The following FAM13B variants were observed in gnomAD, a reference collection of about 807,000 sequenced individuals.
FAM13B encodes the protein protein FAM13B.
Under a neutral mutation model 117.3 loss-of-function variants are expected in FAM13B, and 60 were observed. That is an observed-to-expected ratio of 0.51 (90% CI 0.42 to 0.63). FAM13B has a LOEUF of 0.63. Among genes scored for constraint, FAM13B ranks in the 30% least tolerant of loss-of-function variants. The pLI, the probability that FAM13B is intolerant of heterozygous loss-of-function variation, is 0.00. For synonymous variants in FAM13B, 332 were observed against 356.1 expected (o/e 0.93, Z 0.76); for missense variants, 972 against 1,091.9 (o/e 0.89, Z 1.55).
Position 137,974,999 on chromosome 5 carries a change from AC to A in FAM13B, c.1179+10257del, listed in dbSNP as rs543719562. 8.4e-4 allele frequency among the ~76,000 whole-genome samples: 128 copies of A among 152,352 alleles called. No homozygotes were observed. In the Middle Eastern group the frequency reaches 0.027, roughly 32 times the overall value. On this transcript the variant is annotated intron_variant, in intron 10 of 23. Transcript: ENST00000689681. ...TGGAACACAGCCATGCTCATTTCTTACGGTTTTTTCTGGCTGCGTCCATGCT... is the reference window on the plus strand; with the variant it reads ...TGGAACACAGCCATGCTCATTTCTTAGGTTTTTTCTGGCTGCGTCCATGCT...
At chr5:137,987,376 G>A in intron 9 of FAM13B, 85 bp downstream of exon 9, 1 of 1,218,756 alleles carries the variant, frequency 8.2e-7, no homozygotes, top group Non-Finnish European at 1.1e-6. Context: ...CAAGAAAGAT[G>A]AGATCCTGTT....
intron 1 of FAM13B, among the ~76,000 whole-genome samples, chr5:138,040,854 A>C (rs1791478279): frequency 6.6e-6 from 1 of 152,130 alleles, no homozygotes; most frequent in African/African-American, 2.4e-5. Flanking sequence ...GCCTGAGGTC[A>C]GGAGTTCGAG....
chr5:137,978,339 G>A (rs1445058460), intron 10 of FAM13B, among the ~76,000 whole-genome samples: 1 of 151,902 alleles, frequency 6.6e-6, no homozygotes, highest in Non-Finnish European at 1.5e-5. Flanking sequence ...TGGATCAAAG[G>A]TTTAAGGTCT....
chr5:137,960,942 T>C (rs1213350785), intron 11 of FAM13B, among the ~76,000 whole-genome samples: 2 of 152,172 alleles, frequency 1.3e-5, no homozygotes, highest in South Asian at 2.1e-4. Flanking sequence ...AAAGACACAG[T>C]GGCAATTTAC....
upstream of FAM13B, among the ~76,000 whole-genome samples, chr5:138,037,830 A>G (rs750422181): frequency 6.6e-6 from 1 of 152,208 alleles, no homozygotes; most frequent in Non-Finnish European, 1.5e-5. Context: ...GATATATTCT[A>G]TCCCCACCAA....
At chr5:137,967,243 T>C (rs1180983529) in intron 10 of FAM13B, among the ~76,000 whole-genome samples, 1 of 152,114 alleles carries the variant, frequency 6.6e-6, no homozygotes, top group Non-Finnish European at 1.5e-5. Flanking sequence ...ATAAAAAATA[T>C]GGCCAGGCAC....
At position 137,948,982 on chromosome 5, in the gene FAM13B, A is replaced by C. The variant is rs1424514886; in HGVS notation, c.2133T>G (p.Ile711Met). ...TGATATCTTCTGGAAGACACCTCTC[A>C]ATACGTTTTTCTTTCAGTCTTTTAA... ...LILKRLKEKRIERCLPEDIKK... is the reference protein window; with the variant it reads ...LILKRLKEKRMERCLPEDIKK... The change falls in exon 18 of 24, where the codon ATT (isoleucine) becomes ATG (methionine). Residue 711 changes from isoleucine (I) to methionine (M), a missense_variant. Ile to Met is a conservative substitution (Grantham distance 10, BLOSUM62 1). Coordinates refer to ENST00000689681, the MANE Select transcript of FAM13B (RefSeq NM_001385994.1). The C allele has an allele frequency of 6.2e-7, 1 of 1,613,756 alleles. No individual in the cohort carries two copies. The highest frequency in any genetic ancestry group is 1.7e-5 in the Admixed American group (1 of 60,022).
chr5:138,004,400 C>A (rs939249985), intron 7 of FAM13B, among the ~76,000 whole-genome samples: 1 of 152,096 alleles, frequency 6.6e-6, no homozygotes, highest in Non-Finnish European at 1.5e-5. Context: ...CATACTTAGC[C>A]TTGCTGGTAA....
At position 138,019,162 on chromosome 5, in the gene FAM13B, C is replaced by A. The variant is rs1445256982; in HGVS notation, c.-35-16G>T. ...GCTGTCTTTTCTGCCAAATGAAAGA[C>A]AAAAAAAAAAGACTATAATGATTAA... On this transcript the variant is annotated splice_polypyrimidine_tract_variant and intron_variant, in intron 2 of 23. Coordinates refer to ENST00000689681, the MANE Select transcript of FAM13B (RefSeq NM_001385994.1). 542 of 1,502,340 alleles carry A rather than the reference C, an allele frequency of 3.6e-4. No homozygotes were observed. Among genetic ancestry groups the A allele is most frequent in the Admixed American group, 2.1e-3 (105 of 50,238 alleles). 93.1% of individuals were successfully genotyped at this position (1,502,340 alleles called of 1,614,324 possible). A position where few individuals can be genotyped will look rare whatever the true frequency, so the allele number is the denominator to read the frequency against.
chr5:137,968,942 C>A lies in FAM13B; in HGVS notation c.1180-6473G>T, dbSNP rs997445594. ...CACACCAGGACATTATATCCCGCACCTGGCTTGGAGGGTCCTACACCCACA... is the reference window on the plus strand; with the variant it reads ...CACACCAGGACATTATATCCCGCACATGGCTTGGAGGGTCCTACACCCACA... On this transcript the variant is annotated intron_variant, in intron 10 of 23. Coordinates refer to ENST00000689681, the MANE Select transcript of FAM13B (RefSeq NM_001385994.1). 3.0e-4 allele frequency among the ~76,000 whole-genome samples: 45 copies of A among 152,226 alleles called. 1 individual carries two copies. Among genetic ancestry groups the A allele is most frequent in the African/African-American group, 8.9e-4 (37 of 41,452 alleles).
intron 8 of FAM13B, 30 bp downstream of exon 8, chr5:137,988,244 A>C (rs769342675): frequency 6.7e-7 from 1 of 1,499,736 alleles, no homozygotes; most frequent in Middle Eastern, 2.3e-4. Flanking sequence ...AAAATCTTAA[A>C]AATTTGTCTT....
chr5:137,968,890 C>T lies in FAM13B; in HGVS notation c.1180-6421G>A, dbSNP rs10038544. On this transcript the variant is annotated intron_variant, in intron 10 of 23. Transcript: ENST00000689681. ...TTGGGTCACTCCCACCTGAATACTA[C>T]GCTTTTCCGACGGGCTTAAAAAACG... 4.2e-3 allele frequency among the ~76,000 whole-genome samples: 644 copies of T among 152,312 alleles called. 4 individuals carry two copies. Among genetic ancestry groups the T allele is most frequent in the African/African-American group, 0.013 (558 of 41,564 alleles).
intron 2 of FAM13B, 29 bp from the exon 3 acceptor site, chr5:138,019,175 C>G (rs750542119): frequency 1.2e-5 from 19 of 1,539,312 alleles, no homozygotes; most frequent in Non-Finnish European, 1.5e-5. Flanking sequence ...AAAAAAAAGA[C>G]TATAATGATT....
intron 15 of FAM13B, 23 bp downstream of exon 15, chr5:137,954,143 G>C: frequency 1.3e-6 from 2 of 1,564,582 alleles, no homozygotes; most frequent in Non-Finnish European, 1.8e-6. Context: ...ATTGCCTCTT[G>C]TAAGTACATA....
intron 1 of FAM13B, among the ~76,000 whole-genome samples, chr5:138,026,258 T>C (rs1359729029): frequency 6.6e-6 from 1 of 152,160 alleles, no homozygotes; most frequent in Non-Finnish European, 1.5e-5. Context: ...TAGTTACATA[T>C]GAATATATTT....
intron 7 of FAM13B, among the ~76,000 whole-genome samples, chr5:137,989,033 C>A (rs936898005): frequency 6.6e-6 from 1 of 152,206 alleles, no homozygotes; most frequent in African/African-American, 2.4e-5. Context: ...TTTAAAAAAT[C>A]ATTTATCAGA....
At chr5:137,951,917 C>T (rs1431786163) in intron 17 of FAM13B, among the ~76,000 whole-genome samples, 2 of 152,008 alleles carry the variant, frequency 1.3e-5, no homozygotes, top group African/African-American at 2.4e-5. Flanking sequence ...GCAGAGGTTG[C>T]AGTGAGCTGA....
chr5:138,008,869 G>A (rs953378788), intron 6 of FAM13B, among the ~76,000 whole-genome samples: 6 of 152,320 alleles, frequency 3.9e-5, no homozygotes, highest in South Asian at 4.1e-4. Flanking sequence ...TAGGCCAGGC[G>A]CGGTGGCCCA....
chr5:137,959,559 G>A (rs1581094280), intron 13 of FAM13B, 57 bp downstream of exon 13: 2 of 1,572,792 alleles, frequency 1.3e-6, no homozygotes, highest in East Asian at 2.2e-5. Context: ...CATTGCTTAG[G>A]GTAATTTCGG....
Sources: allele counts gnomAD v4.1 joint callset (sites outside exome capture counted in the v4.1 genomes callset), GRCh38; gene constraint gnomAD v4.1.1; transcripts MANE v1.5; gene names NCBI Gene and HGNC (gene_info 2026-07-23, HGNC 2026-07-21).